The following SLIT1 variants were observed in gnomAD, a reference collection of about 807,000 sequenced individuals.
SLIT1 encodes slit guidance ligand 1.
In SLIT1, 66 loss-of-function variants were observed where a neutral mutation model predicts 186.1. The observed-to-expected ratio is 0.35, with a 90% CI of 0.29 to 0.44. The LOEUF is 0.44. Among genes scored for constraint, SLIT1 ranks in the 20% least tolerant of loss-of-function variants. SLIT1 has a pLI of 1.00. For synonymous variants in SLIT1, 761 were observed against 833.8 expected, an observed-to-expected ratio of 0.91 and a Z score of 1.50; for missense variants, 1,638 against 2,037.4, an observed-to-expected ratio of 0.80 and a Z score of 3.77.
intron 4 of SLIT1, among the ~76,000 whole-genome samples, chr10:97,094,754 C>CA (rs1483860361): frequency 1.3e-5 from 2 of 152,148 alleles, no homozygotes; most frequent in Non-Finnish European, 2.9e-5. Flanking sequence ...CAATCTATGA[C>CA]AAAATGAATG....
intron 4 of SLIT1, among the ~76,000 whole-genome samples, chr10:97,080,246 C>A (rs1849089981): frequency 6.6e-6 from 1 of 152,096 alleles, no homozygotes; most frequent in Admixed American, 6.5e-5. Flanking sequence ...TAAAACCAAG[C>A]ACAGAGGCCT....
intron 4 of SLIT1, among the ~76,000 whole-genome samples, chr10:97,123,420 G>C (rs529761011): frequency 3.1e-4 from 47 of 152,270 alleles, no homozygotes; most frequent in African/African-American, 1.1e-3. Flanking sequence ...GGGAGACTGG[G>C]CCATTCCTTT....
intron 4 of SLIT1, among the ~76,000 whole-genome samples, chr10:97,136,838 AAC>A (rs932352137): frequency 2.6e-5 from 4 of 152,202 alleles, no homozygotes; most frequent in African/African-American, 9.7e-5. Flanking sequence ...AACACCTCTC[AAC>A]CTAGGTCCCT....
chr10:97,029,734 A>G (rs1353485186), intron 25 of SLIT1, among the ~76,000 whole-genome samples: 5 of 152,174 alleles, frequency 3.3e-5, no homozygotes, highest in Non-Finnish European at 7.3e-5. Context: ...CCTATTTCCA[A>G]AACATTTTCA....
intron 13 of SLIT1, among the ~76,000 whole-genome samples, chr10:97,054,145 G>C (rs893956001): frequency 6.6e-6 from 1 of 150,914 alleles, no homozygotes; most frequent in Non-Finnish European, 1.5e-5. Flanking sequence ...GGCGAAGCAA[G>C]ACTAGGCATA....
At chr10:97,166,530 A>AGAAGGAAGGAAG (rs1241751831) in intron 1 of SLIT1, among the ~76,000 whole-genome samples, 679 of 49,020 alleles carry the variant, frequency 0.014, 25 homozygotes, top group East Asian at 0.036. Flanking sequence ...AAAAAAAGAA[A>AGAAGGAAGGAAG]GAAGGAAGGA....
At chr10:97,061,417 A>G (rs1026534346) in intron 8 of SLIT1, among the ~76,000 whole-genome samples, 2 of 152,378 alleles carry the variant, frequency 1.3e-5, no homozygotes, top group African/African-American at 4.8e-5. Context: ...TGGTGGGACC[A>G]CTACCTAGAC....
intron 22 of SLIT1, among the ~76,000 whole-genome samples, chr10:97,036,884 T>C (rs545323203): frequency 1.3e-5 from 2 of 152,290 alleles, no homozygotes; most frequent in Admixed American, 6.5e-5. Flanking sequence ...GTGGAAATAA[T>C]AGAAAAGCAG....
At chr10:97,111,724 G>C (rs1849466670) in intron 4 of SLIT1, among the ~76,000 whole-genome samples, 1 of 152,130 alleles carries the variant, frequency 6.6e-6, no homozygotes, top group Non-Finnish European at 1.5e-5. Flanking sequence ...TTTGCTGCTG[G>C]AGCCTGCTGC....
At chr10:97,079,248 C>T (rs1849079274) in intron 4 of SLIT1, among the ~76,000 whole-genome samples, 1 of 152,094 alleles carries the variant, frequency 6.6e-6, no homozygotes, top group Admixed American at 6.6e-5. Flanking sequence ...TGTTGGAAGC[C>T]AGGATTGTAG....
At chr10:97,088,366 A>T (rs1402124344) in intron 4 of SLIT1, among the ~76,000 whole-genome samples, 2 of 151,944 alleles carry the variant, frequency 1.3e-5, no homozygotes, top group Non-Finnish European at 2.9e-5. Context: ...GATGCTAACT[A>T]GGTGTTGAGG....
At chr10:97,059,273 A>G (rs1409466218) in intron 11 of SLIT1, among the ~76,000 whole-genome samples, 187 bp downstream of exon 11, 1 of 152,208 alleles carries the variant, frequency 6.6e-6, no homozygotes, top group Non-Finnish European at 1.5e-5. Flanking sequence ...ACCAGTGAGG[A>G]AGAGGGAGCT....
chr10:97,007,677 A>T (rs1848371944), intron 31 of SLIT1, among the ~76,000 whole-genome samples: 1 of 152,162 alleles, frequency 6.6e-6, no homozygotes, highest in Non-Finnish European at 1.5e-5. Flanking sequence ...TTGATAGATG[A>T]AAAAGCAAAA....
intron 8 of SLIT1, among the ~76,000 whole-genome samples, chr10:97,061,186 A>AGCACAC (rs1848891036): frequency 6.6e-6 from 1 of 152,220 alleles, no homozygotes. Flanking sequence ...CACATGCTAT[A>AGCACAC]ATAAGTGCAC....
At chr10:97,071,250 G>T (rs1055264433) in intron 4 of SLIT1, among the ~76,000 whole-genome samples, 28 of 152,154 alleles carry the variant, frequency 1.8e-4, no homozygotes, top group African/African-American at 6.8e-4. Context: ...CTGACCCACA[G>T]GGACTCAGGG....
At chr10:97,106,880 T>C (rs1849420350) in intron 4 of SLIT1, among the ~76,000 whole-genome samples, 1 of 152,218 alleles carries the variant, frequency 6.6e-6, no homozygotes, top group South Asian at 2.1e-4. Flanking sequence ...TAATGCTCTT[T>C]GGGAGAGAAA....
chr10:97,185,763 G>T lies in SLIT1; in HGVS notation c.-89C>A. On this transcript the variant is annotated 5_prime_UTR_variant, in exon 1 of 37. Transcript: ENST00000266058. ...GGCCGCCTCCAGGTGCAGTCCCGGG[G>T]CAGAGCCACCGAAGAGCCCGCGGGC... The T allele has an allele frequency of 8.4e-7, 1 of 1,187,812 alleles. No individual in the cohort carries two copies. Among genetic ancestry groups the T allele is most frequent in the Non-Finnish European group, 1.1e-6 (1 of 901,228 alleles). The allele number at this position is 1,187,812 out of a possible 1,614,324, so 73.6% of individuals were successfully genotyped here.
chr10:97,091,921 G>A (rs1564673385), intron 4 of SLIT1, among the ~76,000 whole-genome samples: 1 of 152,230 alleles, frequency 6.6e-6, no homozygotes. Flanking sequence ...GGCCAGGAGT[G>A]GCGAGAAGTC....
chr10:97,060,527 C>A (rs1401413847), intron 9 of SLIT1, 113 bp downstream of exon 9: 1 of 1,327,058 alleles, frequency 7.5e-7, no homozygotes, highest in African/African-American at 1.4e-5. Flanking sequence ...TCTACGGCCA[C>A]TGAGGGGTTG....
Sources: allele counts gnomAD v4.1 joint callset (sites outside exome capture counted in the v4.1 genomes callset), GRCh38; gene constraint gnomAD v4.1.1; transcripts MANE v1.5; gene names NCBI Gene and HGNC (gene_info 2026-07-23, HGNC 2026-07-21).